Variants in CADPS2 observed in about 807,000 individuals in gnomAD.
CADPS2 encodes the protein calcium-dependent secretion activator 2.
In CADPS2, 93 loss-of-function variants were observed where a neutral mutation model predicts 172.5. The observed-to-expected ratio is 0.54, with a 90% CI of 0.46 to 0.64. CADPS2 has a LOEUF of 0.64. Ranked by LOEUF, CADPS2 falls within the 30% of genes least tolerant of loss-of-function variation. The pLI is 0.00. For synonymous variants in CADPS2, 546 were observed against 555.2 expected (o/e 0.98, Z 0.23); for missense variants, 1,420 against 1,565.9 (o/e 0.91, Z 1.57).
chr7:122,324,839 T>C (rs1331171564), intron 29 of CADPS2, among the ~76,000 whole-genome samples: 2 of 152,118 alleles, frequency 1.3e-5, no homozygotes, highest in African/African-American at 2.4e-5. Context: ...AAATTATGCA[T>C]AATATATTAT....
intron 2 of CADPS2, among the ~76,000 whole-genome samples, chr7:122,706,450 A>G (rs1452196301): frequency 6.9e-6 from 1 of 144,398 alleles, no homozygotes; most frequent in African/African-American, 2.5e-5. Context: ...ATGCTTATAT[A>G]TTCAAGGAAT....
At chr7:122,473,932 C>T (rs891140579) in intron 13 of CADPS2, among the ~76,000 whole-genome samples, 1 of 152,078 alleles carries the variant, frequency 6.6e-6, no homozygotes, top group Non-Finnish European at 1.5e-5. Context: ...TTGTTAATTC[C>T]ACTATTTCCT....
intron 3 of CADPS2, among the ~76,000 whole-genome samples, chr7:122,644,449 G>A (rs56166405): frequency 0.033 from 4,997 of 152,162 alleles, 259 homozygotes; most frequent in African/African-American, 0.11. Flanking sequence ...AGCCTTCATA[G>A]TTGTCTTACT....
intron 1 of CADPS2, among the ~76,000 whole-genome samples, chr7:122,768,565 T>C (rs527703756): frequency 2.6e-5 from 4 of 152,290 alleles, no homozygotes; most frequent in Admixed American, 2.6e-4. Context: ...AAGAGGATTC[T>C]GACTTTCTAA....
At chr7:122,362,768 C>T (rs564063807) in intron 25 of CADPS2, among the ~76,000 whole-genome samples, 2 of 152,298 alleles carry the variant, frequency 1.3e-5, no homozygotes, top group Admixed American at 1.3e-4. Context: ...TCTAGGGACA[C>T]AGCTTATTGG....
intron 1 of CADPS2, chr7:122,850,344 T>C (rs1813213269): frequency 4.8e-6 from 2 of 415,106 alleles, no homozygotes; most frequent in East Asian, 4.7e-5. Context: ...TCAGCCCTGC[T>C]GTGTCAGATC....
rs1191031523 is a variant in CADPS2 at position 122,664,687 on chromosome 7, G to A, written c.454-1118C>T. Among the ~76,000 whole-genome samples, 11 of 152,272 alleles carry A rather than the reference G, an allele frequency of 7.2e-5. 1 individual carries two copies. The South Asian group carries it at 1.0e-3, about 14-fold the overall frequency. Reference sequence around the variant, plus strand: ...ATTCTTGCTTTATTCTTTCTATGATGTCAAAAGACTCTCCCAGAAAAGCCT... The same window carrying A: ...ATTCTTGCTTTATTCTTTCTATGATATCAAAAGACTCTCCCAGAAAAGCCT... On this transcript the variant is annotated intron_variant, in intron 2 of 29. Coordinates refer to ENST00000449022, the MANE Select transcript of CADPS2 (RefSeq NM_017954.11).
intron 8 of CADPS2, among the ~76,000 whole-genome samples, chr7:122,524,703 A>G (rs2061066891): frequency 6.6e-6 from 1 of 152,228 alleles, no homozygotes; most frequent in Non-Finnish European, 1.5e-5. Context: ...ACATACTTTG[A>G]GAAATTAACT....
chr7:122,545,975 T>A (rs896728213), intron 8 of CADPS2, among the ~76,000 whole-genome samples: 1 of 152,200 alleles, frequency 6.6e-6, no homozygotes, highest in Admixed American at 6.6e-5. Flanking sequence ...TTTGTATTTT[T>A]TTAAGTAACA....
At chr7:122,805,424 C>T (rs910659155) in intron 1 of CADPS2, among the ~76,000 whole-genome samples, 1 of 152,182 alleles carries the variant, frequency 6.6e-6, no homozygotes, top group Admixed American at 6.5e-5. Flanking sequence ...TCCCAAAGTG[C>T]TGAGATTACA....
intron 1 of CADPS2, among the ~76,000 whole-genome samples, chr7:122,781,644 CAATT>C (rs1324807795): frequency 4.6e-5 from 7 of 152,132 alleles, no homozygotes; most frequent in Non-Finnish European, 1.0e-4. Flanking sequence ...TTTTCCTAAT[CAATT>C]GTCACCATCA....
intron 2 of CADPS2, among the ~76,000 whole-genome samples, chr7:122,696,347 A>T (rs188523038): frequency 1.3e-4 from 20 of 152,280 alleles, no homozygotes; most frequent in Admixed American, 3.3e-4. Flanking sequence ...TCTTTCAAAG[A>T]AGAGCTCTTG....
intron 1 of CADPS2, among the ~76,000 whole-genome samples, chr7:122,866,821 C>G (rs1310385160): frequency 6.6e-6 from 1 of 152,098 alleles, no homozygotes; most frequent in Admixed American, 6.6e-5. Context: ...TTTTGAAAAC[C>G]TTCCAACAGC....
Position 122,407,662 on chromosome 7 carries a change from T to C in CADPS2, c.2624A>G (p.His875Arg), listed in dbSNP as rs777172821. The change falls in exon 20 of 30, where the codon CAT becomes CGT. Residue 875 changes from histidine (H) to arginine (R), a missense_variant. Transcript: ENST00000449022. ...FAWWPDLLAEHAEKFWALFTV... is the reference protein window; with the variant it reads ...FAWWPDLLAERAEKFWALFTV... ...AAATAAAGCCCAAAATTTCTCTGCA[T>C]GTTCAGCCAATAAATCAGGCCACCA... is the stretch of plus-strand genomic sequence containing the variant. 1 of 1,611,694 alleles carries C rather than the reference T, an allele frequency of 6.2e-7. No individual in the cohort carries two copies. Among genetic ancestry groups the C allele is most frequent in the Non-Finnish European group, 8.5e-7 (1 of 1,178,878 alleles).
At chr7:122,403,255 T>C (rs2046187989) in intron 20 of CADPS2, among the ~76,000 whole-genome samples, 1 of 152,196 alleles carries the variant, frequency 6.6e-6, no homozygotes, top group Admixed American at 6.5e-5. Context: ...TAAAAGTCAC[T>C]GCATTTTATT....
At chr7:122,418,232 C>T (rs575687871) in intron 17 of CADPS2, among the ~76,000 whole-genome samples, 82 of 151,854 alleles carry the variant, frequency 5.4e-4, no homozygotes, top group Non-Finnish European at 8.5e-4. Flanking sequence ...CAAGCCAGGG[C>T]GCTTCCCACG....
intron 8 of CADPS2, among the ~76,000 whole-genome samples, chr7:122,545,920 GTATTAA>G (rs1434839829): frequency 6.6e-6 from 1 of 152,076 alleles, no homozygotes; most frequent in East Asian, 1.9e-4. Flanking sequence ...TGTTTTAGAA[GTATTAA>G]TATTGATACG....
At chr7:122,606,046 G>C (rs1474974073) in intron 6 of CADPS2, among the ~76,000 whole-genome samples, 2 of 152,142 alleles carry the variant, frequency 1.3e-5, no homozygotes, top group Non-Finnish European at 2.9e-5. Flanking sequence ...TTGAATACTT[G>C]TATAAATTCT....
intron 1 of CADPS2, among the ~76,000 whole-genome samples, chr7:122,780,791 G>A (rs1792497343): frequency 6.6e-6 from 1 of 152,046 alleles, no homozygotes; most frequent in Non-Finnish European, 1.5e-5. Flanking sequence ...TTCTTTTAAG[G>A]GCTGTATAAT....
Sources: allele counts gnomAD v4.1 joint callset (sites outside exome capture counted in the v4.1 genomes callset), GRCh38; gene constraint gnomAD v4.1.1; transcripts MANE v1.5; gene names NCBI Gene and HGNC (gene_info 2026-07-23, HGNC 2026-07-21).